Variants in RBMS1 observed in about 807,000 individuals in gnomAD.
RBMS1 encodes RNA binding motif single stranded interacting protein 1, also known as RNA-binding motif, single-stranded-interacting protein 1.
In RBMS1, 17 loss-of-function variants were observed where a neutral mutation model predicts 62.3. That is an observed-to-expected ratio of 0.27 (90% CI 0.19 to 0.41). The LOEUF (loss-of-function observed/expected upper bound fraction) is 0.41. Ranked by LOEUF, RBMS1 falls within the 10% of genes least tolerant of loss-of-function variation. RBMS1 has a pLI of 1.00. For missense variants in RBMS1, 334 were observed against 504.5 expected, an observed-to-expected ratio of 0.66 and a Z score of 3.24; for synonymous variants, 172 against 170.0, an observed-to-expected ratio of 1.01 and a Z score of -0.09.
At chr2:160,325,321 A>C (rs1334657621) in intron 2 of RBMS1, among the ~76,000 whole-genome samples, 1 of 152,296 alleles carries the variant, frequency 6.6e-6, no homozygotes, top group Non-Finnish European at 1.5e-5. Flanking sequence ...ACATTGGTCT[A>C]TCTTGGAATA....
chr2:160,313,480 G>A (rs1365944343), intron 3 of RBMS1, among the ~76,000 whole-genome samples: 5 of 151,746 alleles, frequency 3.3e-5, no homozygotes, highest in African/African-American at 7.3e-5. Context: ...AAGAACCAGC[G>A]TTTCCCTATT....
At chr2:160,297,471 G>C (rs1688997810) in intron 6 of RBMS1, among the ~76,000 whole-genome samples, 1 of 152,224 alleles carries the variant, frequency 6.6e-6, no homozygotes, top group Non-Finnish European at 1.5e-5. Flanking sequence ...TTGTTGCATA[G>C]TATGGCTCAA....
At chr2:160,418,241 T>C (rs1222625433) in intron 1 of RBMS1, among the ~76,000 whole-genome samples, 1 of 152,204 alleles carries the variant, frequency 6.6e-6, no homozygotes, top group Non-Finnish European at 1.5e-5. Context: ...AATGCATGCA[T>C]ATACACAGAC....
chr2:160,300,873 C>T, intron 5 of RBMS1, 143 bp from the exon 6 acceptor site: 1 of 921,904 alleles, frequency 1.1e-6, no homozygotes, highest in African/African-American at 1.7e-5. Context: ...AGGGTCTATT[C>T]TACCTTTTAT....
chr2:160,334,310 G>A (rs1393481100), intron 2 of RBMS1, among the ~76,000 whole-genome samples: 2 of 152,170 alleles, frequency 1.3e-5, no homozygotes, highest in South Asian at 4.1e-4. Context: ...GAATATGTGG[G>A]CAGTCAGAGT....
chr2:160,306,566 T>G (rs1158313534), intron 4 of RBMS1, among the ~76,000 whole-genome samples: 1 of 152,012 alleles, frequency 6.6e-6, no homozygotes, highest in Non-Finnish European at 1.5e-5. Context: ...TTTATGTTTC[T>G]TTTCAAACGG....
chr2:160,472,082 C>T (rs1390488870), intron 1 of RBMS1, among the ~76,000 whole-genome samples: 12 of 152,042 alleles, frequency 7.9e-5, no homozygotes, highest in African/African-American at 2.9e-4. Context: ...AGACAACAGA[C>T]TAGAAAACAG....
intron 1 of RBMS1, among the ~76,000 whole-genome samples, chr2:160,446,436 T>A (rs1405164090): frequency 1.3e-5 from 2 of 152,160 alleles, no homozygotes; most frequent in Non-Finnish European, 2.9e-5. Flanking sequence ...CCCTTAGGGG[T>A]CACTTAGTCA....
chr2:160,423,365 A>G (rs1373757804), intron 1 of RBMS1, among the ~76,000 whole-genome samples: 40 of 149,644 alleles, frequency 2.7e-4, no homozygotes, highest in Non-Finnish European at 5.2e-4. Context: ...CTATTCTAAA[A>G]AAAAGCGGGG....
At chr2:160,288,749 C>A (rs551463663) in intron 6 of RBMS1, among the ~76,000 whole-genome samples, 7 of 152,242 alleles carry the variant, frequency 4.6e-5, no homozygotes, top group Admixed American at 3.9e-4. Context: ...GGTGCTGGTA[C>A]ATAGTGGGTC....
chr2:160,366,305 A>G (rs1488022902), intron 2 of RBMS1, among the ~76,000 whole-genome samples: 1 of 152,248 alleles, frequency 6.6e-6, no homozygotes, highest in East Asian at 1.9e-4. Context: ...CCAGGAAAAG[A>G]GAAATGAGAT....
intron 1 of RBMS1, among the ~76,000 whole-genome samples, chr2:160,429,179 G>A (rs910013397): frequency 6.6e-6 from 1 of 152,166 alleles, no homozygotes; most frequent in Non-Finnish European, 1.5e-5. Context: ...CCTGACTAAA[G>A]GGAGCAGTTA....
intron 5 of RBMS1, among the ~76,000 whole-genome samples, chr2:160,302,199 T>A (rs1465698333): frequency 6.6e-6 from 1 of 151,840 alleles, no homozygotes; most frequent in African/African-American, 2.4e-5. Flanking sequence ...ACTAGACTTT[T>A]AGACTTTTTT....
chr2:160,430,011 A>G (rs1682823722), intron 1 of RBMS1, among the ~76,000 whole-genome samples: 2 of 152,244 alleles, frequency 1.3e-5, no homozygotes, highest in Admixed American at 6.5e-5. Flanking sequence ...ATCCACATGG[A>G]AAGAGAGGCT....
chr2:160,471,716 T>TAAATATATATATATATATATATATATAA (rs1553532606), intron 1 of RBMS1, among the ~76,000 whole-genome samples: 1 of 76,234 alleles, frequency 1.3e-5, no homozygotes, highest in Non-Finnish European at 2.7e-5. Flanking sequence ...TATATATATA[T>TAAATATATATATATATATATATATATAA]AACCTTTCAT....
At chr2:160,294,098 T>G (rs1688816267) in intron 6 of RBMS1, among the ~76,000 whole-genome samples, 1 of 152,154 alleles carries the variant, frequency 6.6e-6, no homozygotes, top group African/African-American at 2.4e-5. Flanking sequence ...CATGTAAATC[T>G]GACTTAATAC....
At position 160,491,049 on chromosome 2, in the gene RBMS1, T is replaced by TA. The variant is rs566701172; in HGVS notation, c.75+2239_75+2240insT. On this transcript the variant is annotated intron_variant, in intron 1 of 13. Coordinates refer to ENST00000348849, the MANE Select transcript of RBMS1 (RefSeq NM_016836.4). ...TTTTTAAACTAACTACAAATCAAAG[T>TA]CTTTTTTTTTTTAAATGATTCAACA... Among the ~76,000 whole-genome samples, 11 of 149,256 alleles carry TA rather than the reference T, an allele frequency of 7.4e-5. No individual in the cohort carries two copies. The South Asian group carries it at 2.4e-3, about 33-fold the overall frequency.
At chr2:160,348,702 T>A (rs1163049180) in intron 2 of RBMS1, among the ~76,000 whole-genome samples, 1 of 152,144 alleles carries the variant, frequency 6.6e-6, no homozygotes, top group East Asian at 1.9e-4. Flanking sequence ...AGCACAAGCA[T>A]AATTCAATGG....
rs1687655858 is a variant in RBMS1 at position 160,273,107 on chromosome 2, CTTAATAAAAGAGCT to C, written c.*1651_*1664del. 1 of 152,134 alleles carries C rather than the reference CTTAATAAAAGAGCT, an allele frequency of 6.6e-6. No homozygotes were observed. Among genetic ancestry groups the C allele is most frequent in the Non-Finnish European group, 1.5e-5 (1 of 68,030 alleles). The allele number at this position is 152,134 out of a possible 1,614,324, so 9.4% of individuals were successfully genotyped here. The stretch of plus-strand genomic sequence containing the variant: ...TTGCTTTTAAAACATATGCAATTGC[CTTAATAAAAGAGCT>C]TTAATAACAGTGAATTATCTTATAT... On this transcript the variant is annotated 3_prime_UTR_variant, in exon 14 of 14. Coordinates refer to ENST00000348849, the MANE Select transcript of RBMS1 (RefSeq NM_016836.4).
Sources: gnomAD v4.1 joint callset for allele counts (sites outside exome capture counted in the v4.1 genomes callset) on GRCh38, gnomAD v4.1.1 for gene constraint, MANE v1.5 for transcripts, NCBI Gene and HGNC (gene_info 2026-07-23, HGNC 2026-07-21) for gene names.